The following TLN2 variants were observed in gnomAD, a reference collection of about 807,000 sequenced individuals.
The protein encoded by TLN2 is talin 2, also known as talin-2.
Under a neutral mutation model 294.7 loss-of-function variants are expected in TLN2, and 118 were observed. The ratio of observed to expected loss-of-function variants is 0.40; its 90% CI spans 0.34 to 0.47. TLN2 has a LOEUF of 0.47. Ranked by LOEUF, TLN2 falls within the 20% of genes least tolerant of loss-of-function variation. The probability of loss-of-function intolerance (pLI) is 0.84; values close to 1 mark genes in which losing one functional copy is unlikely to be tolerated. For missense variants in TLN2, 3,083 were observed against 3,282.2 expected (o/e 0.94, Z 1.48); for synonymous variants, 1,431 against 1,304.5 (o/e 1.10, Z -2.09).
chr15:62,654,624 G>T (rs1252728551), intron 7 of TLN2, among the ~76,000 whole-genome samples: 1 of 151,566 alleles, frequency 6.6e-6, no homozygotes, highest in African/African-American at 2.4e-5. Flanking sequence ...GTGTGGTGGC[G>T]CATGCCTGTA....
At chr15:62,497,366 T>C (rs1158747455) in intron 1 of TLN2, among the ~76,000 whole-genome samples, 1 of 152,224 alleles carries the variant, frequency 6.6e-6, no homozygotes, top group Non-Finnish European at 1.5e-5. Flanking sequence ...TTTAAATCTA[T>C]GAAGGTGAAA....
intron 54 of TLN2, chr15:62,831,625 C>T (rs1191672516): frequency 2.0e-5 from 3 of 152,012 alleles, no homozygotes; most frequent in East Asian, 1.9e-4. Context: ...AAAATGAGTC[C>T]AGTAGAACTA....
intron 28 of TLN2, among the ~76,000 whole-genome samples, chr15:62,729,487 T>G (rs1025647583): frequency 6.6e-6 from 1 of 152,228 alleles, no homozygotes; most frequent in Non-Finnish European, 1.5e-5. Flanking sequence ...TCTTCTAATA[T>G]GTGAATATCC....
At chr15:62,504,898 G>A (rs1445294465) in intron 1 of TLN2, among the ~76,000 whole-genome samples, 1 of 151,094 alleles carries the variant, frequency 6.6e-6, no homozygotes, top group African/African-American at 2.4e-5. Context: ...TCTAAACTCT[G>A]CCCCACTGCT....
chr15:62,729,998 T>C (rs989198960), intron 28 of TLN2, among the ~76,000 whole-genome samples: 1 of 151,912 alleles, frequency 6.6e-6, no homozygotes, highest in Non-Finnish European at 1.5e-5. Flanking sequence ...GTTAACTTCA[T>C]TTACCTTTCT....
In TLN2 at chr15:62,700,489, C is replaced by G. The variant is rs530563953; in HGVS notation, c.1588-617C>G. 2.6e-4 allele frequency among the ~76,000 whole-genome samples: 40 copies of G among 152,276 alleles called. No homozygotes were observed. In the South Asian group the frequency reaches 8.3e-3, roughly 32 times the overall value. ...TCCATGGTAGAAGAAGTATAAGGCA[C>G]AGGACCTGCCTATGATTTGCCCGAG... is the stretch of plus-strand genomic sequence containing the variant. On this transcript the variant is annotated intron_variant, in intron 16 of 58. Transcript: ENST00000636159.
chr15:62,458,156 T>G (rs1431938633), intron 1 of TLN2, among the ~76,000 whole-genome samples: 2 of 151,990 alleles, frequency 1.3e-5, no homozygotes, highest in African/African-American at 4.8e-5. Context: ...ACCTCTGCAG[T>G]GGTGTGGGCA....
At chr15:62,400,751 G>T (rs112040027) in intron 1 of TLN2, among the ~76,000 whole-genome samples, 163 of 151,328 alleles carry the variant, frequency 1.1e-3, no homozygotes, top group African/African-American at 3.8e-3. Flanking sequence ...GAAATTAAGC[G>T]CAGTAGCCAT....
intron 34 of TLN2, among the ~76,000 whole-genome samples, chr15:62,750,711 A>C (rs1186300465): frequency 6.6e-6 from 1 of 152,136 alleles, no homozygotes; most frequent in African/African-American, 2.4e-5. Flanking sequence ...CCTACCCCCA[A>C]GTTTCTGTTT....
At chr15:62,683,067 G>T (rs918279826) in intron 11 of TLN2, 12 of 152,248 alleles carry the variant, frequency 7.9e-5, no homozygotes, top group Admixed American at 6.5e-4. Flanking sequence ...CTAAAAGAAA[G>T]AAATATACTG....
In TLN2 at chr15:62,840,519, G is replaced by A. The variant is rs768593562; in HGVS notation, c.7538G>A (p.Arg2513Gln). 5 of 1,614,094 alleles carry A rather than the reference G, an allele frequency of 3.1e-6. 1 individual carries two copies. The South Asian group carries it at 4.4e-5, about 14-fold the overall frequency. Residue 2513 changes from arginine (R) to glutamine (Q), a missense_variant, in exon 59 of 59, where the codon CGA becomes CAA. Physicochemically the swap from Arg to Gln is conservative, Grantham distance 43. Coordinates refer to ENST00000636159, the MANE Select transcript of TLN2 (RefSeq NM_015059.3). ...AAQEEMLKKE[R>Q]ELEEARKKLA... is the part of the protein sequence containing the mutation. ...CAGGAAGAAATGCTAAAGAAAGAGC[G>A]AGAACTGGAAGAAGCAAGGAAAAAA... is the stretch of plus-strand genomic sequence containing the variant.
At chr15:62,666,902 C>G (rs7167388) in intron 9 of TLN2, among the ~76,000 whole-genome samples, 5 of 152,122 alleles carry the variant, frequency 3.3e-5, no homozygotes, top group Non-Finnish European at 7.4e-5. Flanking sequence ...TACAAGATGC[C>G]GGGCCTCACC....
chr15:62,725,832 A>G (rs549568974), intron 27 of TLN2, among the ~76,000 whole-genome samples: 2 of 152,336 alleles, frequency 1.3e-5, no homozygotes, highest in South Asian at 4.1e-4. Flanking sequence ...TCAGATTTGC[A>G]GGACTCTAAA....
At chr15:62,627,056 T>C (rs1190660703) in intron 3 of TLN2, among the ~76,000 whole-genome samples, 2 of 152,238 alleles carry the variant, frequency 1.3e-5, no homozygotes, top group African/African-American at 4.8e-5. Context: ...CTAAGGTAAG[T>C]GCTCATGATA....
chr15:62,566,983 T>C (rs1194896704), intron 1 of TLN2, among the ~76,000 whole-genome samples: 1 of 152,230 alleles, frequency 6.6e-6, no homozygotes, highest in Non-Finnish European at 1.5e-5. Flanking sequence ...GGAAAAAATT[T>C]GTATTTTGAC....
intron 16 of TLN2, among the ~76,000 whole-genome samples, chr15:62,700,214 T>G (rs2058631392): frequency 6.6e-6 from 1 of 152,222 alleles, no homozygotes; most frequent in Non-Finnish European, 1.5e-5. Flanking sequence ...ACATTCCTGC[T>G]TCACCAGTTT....
At chr15:62,744,184 A>T (rs1042330628) in intron 32 of TLN2, among the ~76,000 whole-genome samples, 3 of 152,006 alleles carry the variant, frequency 2.0e-5, no homozygotes, top group Non-Finnish European at 4.4e-5. Flanking sequence ...TGTGCCCGGC[A>T]GCTGAGGCTT....
chr15:62,598,326 C>T (rs933397048), intron 2 of TLN2, among the ~76,000 whole-genome samples: 9 of 152,268 alleles, frequency 5.9e-5, no homozygotes, highest in African/African-American at 2.2e-4. Context: ...GTCTCTGCCA[C>T]GTCTTGGACA....
intron 1 of TLN2, among the ~76,000 whole-genome samples, chr15:62,472,260 C>T (rs1253829723): frequency 6.6e-6 from 1 of 152,112 alleles, no homozygotes; most frequent in Non-Finnish European, 1.5e-5. Flanking sequence ...TCTCTTTCTT[C>T]CCCCAAACCC....
Sources: allele counts gnomAD v4.1 joint callset (sites outside exome capture counted in the v4.1 genomes callset), GRCh38; gene constraint gnomAD v4.1.1; transcripts MANE v1.5; gene names NCBI Gene and HGNC (gene_info 2026-07-23, HGNC 2026-07-21).